The following ADAP2 variants were observed in gnomAD, a reference collection of about 807,000 sequenced individuals.
ADAP2 encodes ArfGAP with dual PH domains 2.
In ADAP2, 42 loss-of-function variants were observed where a neutral mutation model predicts 54.9. The ratio of observed to expected loss-of-function variants is 0.77; its 90% confidence interval spans 0.60 to 0.99. The LOEUF (loss-of-function observed/expected upper bound fraction) is 0.99. Ranked by LOEUF, ADAP2 falls within the 50% of genes least tolerant of loss-of-function variation. The probability of loss-of-function intolerance (pLI) is 0.00; values close to 1 mark genes in which losing one functional copy is unlikely to be tolerated. For missense variants in ADAP2, 429 were observed against 480.4 expected (o/e 0.89, Z 1.00); for synonymous variants, 177 against 180.1 (o/e 0.98, Z 0.14).
intron 2 of ADAP2, among the ~76,000 whole-genome samples, chr17:30,925,081 A>G (rs1364269789): frequency 1.3e-5 from 2 of 150,440 alleles, no homozygotes; most frequent in East Asian, 3.9e-4. Context: ...ACAGGGTTTC[A>G]CCCTGTTGGT....
intron 5 of ADAP2, among the ~76,000 whole-genome samples, chr17:30,935,771 G>A (rs1251836050): frequency 6.6e-6 from 1 of 152,166 alleles, no homozygotes; most frequent in Non-Finnish European, 1.5e-5. Flanking sequence ...TGAGCTAGAA[G>A]TGTGTTTGGT....
intron 10 of ADAP2, among the ~76,000 whole-genome samples, chr17:30,957,491 G>A (rs1216746700): frequency 6.6e-6 from 1 of 150,928 alleles, no homozygotes; most frequent in Non-Finnish European, 1.5e-5. Context: ...GCAGTGGTGC[G>A]ATCTCAGCTC....
chr17:30,935,923 A>G (rs563165522), intron 5 of ADAP2, among the ~76,000 whole-genome samples: 7 of 152,278 alleles, frequency 4.6e-5, no homozygotes, highest in African/African-American at 1.7e-4. Context: ...TTATTGAGAT[A>G]CAATTCACAT....
intron 5 of ADAP2, among the ~76,000 whole-genome samples, chr17:30,943,094 A>G (rs1368972403): frequency 3.3e-5 from 5 of 152,222 alleles, no homozygotes; most frequent in African/African-American, 1.2e-4. Flanking sequence ...GGCCGGATGC[A>G]GTGGCTCACG....
intron 7 of ADAP2, among the ~76,000 whole-genome samples, chr17:30,949,988 A>G (rs1279976433): frequency 6.6e-6 from 1 of 152,140 alleles, no homozygotes; most frequent in African/African-American, 2.4e-5. Context: ...TTCTCCCTCT[A>G]AAATGTACAA....
intron 6 of ADAP2, among the ~76,000 whole-genome samples, chr17:30,946,228 G>T (rs181798654): frequency 1.3e-5 from 2 of 152,030 alleles, no homozygotes; most frequent in East Asian, 3.9e-4. Flanking sequence ...TAAAGTTTGA[G>T]AAGCACTATT....
chr17:30,936,488 G>T (rs781340374), intron 5 of ADAP2, among the ~76,000 whole-genome samples: 3 of 152,068 alleles, frequency 2.0e-5, no homozygotes, highest in African/African-American at 7.2e-5. Flanking sequence ...TATAATAGCC[G>T]TCTTCATGGG....
At chr17:30,944,050 G>C (rs1026029673) in intron 5 of ADAP2, among the ~76,000 whole-genome samples, 1 of 151,596 alleles carries the variant, frequency 6.6e-6, no homozygotes, top group Non-Finnish European at 1.5e-5. Flanking sequence ...AAATTAGCTG[G>C]GTGTGGTGGC....
intron 3 of ADAP2, 144 bp from the exon 4 acceptor site, chr17:30,931,745 T>TA: frequency 1.8e-6 from 1 of 542,738 alleles, no homozygotes; most frequent in Non-Finnish European, 3.3e-6. Context: ...CGCCTGGGCC[T>TA]AGGAGGTCTA....
intron 2 of ADAP2, 138 bp downstream of exon 2, chr17:30,923,208 A>G: frequency 1.0e-6 from 1 of 978,496 alleles, no homozygotes; most frequent in East Asian, 2.5e-5. Flanking sequence ...ACAGCTTATA[A>G]GATGGCAGCT....
At position 30,926,347 on chromosome 17, in the gene ADAP2, A is replaced by G. The variant is rs114347016; in HGVS notation, c.226-480A>G. Among the ~76,000 whole-genome samples the G allele has an allele frequency of 4.3e-3, 653 of 152,256 alleles. 1 individual carries two copies. Among genetic ancestry groups the G allele is most frequent in the Middle Eastern group, 0.017 (5 of 294 alleles). On this transcript the variant is annotated intron_variant, in intron 2 of 10. Transcript: ENST00000330889. ...ATCATCCTGACCTATGCACTCCATG[A>G]GGCGAGCACCCACTTCTTCCATCCT...
chr17:30,954,747 C>T (rs931225277), intron 9 of ADAP2, among the ~76,000 whole-genome samples, 192 bp downstream of exon 9: 3 of 152,286 alleles, frequency 2.0e-5, no homozygotes, highest in Middle Eastern at 3.4e-3. Context: ...AGCTTCTCCT[C>T]GCTTTCAGGA....
At chr17:30,956,120 G>C (rs1182147495) in intron 9 of ADAP2, 121 bp from the exon 10 acceptor site, 1 of 754,086 alleles carries the variant, frequency 1.3e-6, no homozygotes, top group Non-Finnish European at 2.2e-6. Context: ...GTCCCACTTA[G>C]CAGAAATCCC....
At chr17:30,945,176 C>A in intron 6 of ADAP2, 123 bp downstream of exon 6, 2 of 1,189,970 alleles carry the variant, frequency 1.7e-6, no homozygotes, top group East Asian at 2.5e-5. Flanking sequence ...TTTCTGCTAC[C>A]ATTTGCCTTA....
chr17:30,939,926 T>C (rs1302525302), intron 5 of ADAP2, among the ~76,000 whole-genome samples: 3 of 152,170 alleles, frequency 2.0e-5, no homozygotes, highest in African/African-American at 7.2e-5. Flanking sequence ...GTCCTGGGAA[T>C]TTAACCATGC....
At chr17:30,928,398 A>G (rs1285229114) in intron 3 of ADAP2, among the ~76,000 whole-genome samples, 3 of 151,816 alleles carry the variant, frequency 2.0e-5, no homozygotes, top group Admixed American at 6.6e-5. Context: ...CGAGAGGCTG[A>G]GGGAGGAGAA....
intron 7 of ADAP2, among the ~76,000 whole-genome samples, chr17:30,949,964 C>G (rs1904504491): frequency 6.6e-6 from 1 of 152,288 alleles, no homozygotes; most frequent in East Asian, 1.9e-4. Context: ...AATTGGTCAT[C>G]TCTTTCTGAA....
intron 9 of ADAP2, among the ~76,000 whole-genome samples, chr17:30,955,428 C>G (rs1904992876): frequency 6.6e-6 from 1 of 152,044 alleles, no homozygotes; most frequent in African/African-American, 2.4e-5. Flanking sequence ...AAACTTAAGG[C>G]CAGGCACGGT....
chr17:30,945,092 C>G, intron 6 of ADAP2, 39 bp downstream of exon 6: 1 of 1,605,872 alleles, frequency 6.2e-7, no homozygotes, highest in African/African-American at 1.3e-5. Flanking sequence ...CTCCAGCTCG[C>G]ACCCCAGGAC....
Sources: gnomAD v4.1 joint callset for allele counts (sites outside exome capture counted in the v4.1 genomes callset) on GRCh38, gnomAD v4.1.1 for gene constraint, MANE v1.5 for transcripts, NCBI Gene and HGNC (gene_info 2026-07-23, HGNC 2026-07-21) for gene names.